DNAH3: variants seen among roughly 807,000 people sequenced by gnomAD.
The protein encoded by DNAH3 is dynein axonemal heavy chain 3.
DNAH3 carries 332 observed loss-of-function variants against 432.5 expected under a neutral mutation model. The ratio of observed to expected loss-of-function variants is 0.77; its 90% CI spans 0.70 to 0.84. The LOEUF (loss-of-function observed/expected upper bound fraction) is 0.84. Ranked by LOEUF, DNAH3 falls within the 40% of genes least tolerant of loss-of-function variation. The pLI is 0.00. For synonymous variants in DNAH3, 1,956 were observed against 1,900.2 expected, an observed-to-expected ratio of 1.03 and a Z score of -0.76; for missense variants, 4,861 against 5,114.0, an observed-to-expected ratio of 0.95 and a Z score of 1.51.
chr16:21,068,325 T>TGGGGGGGGGGGGGGGG (rs10547729), intron 23 of DNAH3, among the ~76,000 whole-genome samples: 2 of 76,606 alleles, frequency 2.6e-5, no homozygotes, highest in African/African-American at 4.6e-5. Context: ...TTTTTTTGGG[T>TGGGGGGGGGGGGGGGG]GGGGGGGGGG....
intron 39 of DNAH3, among the ~76,000 whole-genome samples, chr16:21,022,733 T>G (rs2088310816): frequency 6.6e-6 from 1 of 151,792 alleles, no homozygotes; most frequent in African/African-American, 2.4e-5. Flanking sequence ...AAAGATTTAT[T>G]TATTTACTTA....
intron 25 of DNAH3, 144 bp from the exon 26 acceptor site, chr16:21,060,500 C>T: frequency 1.7e-6 from 1 of 585,156 alleles, no homozygotes; most frequent in Non-Finnish European, 3.0e-6. Flanking sequence ...TCTCTGTCTC[C>T]CCGTTCTTTT....
At chr16:21,002,573 T>C (rs570721626) in intron 42 of DNAH3, among the ~76,000 whole-genome samples, 4 of 152,202 alleles carry the variant, frequency 2.6e-5, no homozygotes, top group Admixed American at 2.0e-4. Context: ...GCGATTCTCC[T>C]GCCTCAGCCT....
intron 20 of DNAH3, among the ~76,000 whole-genome samples, chr16:21,079,907 T>C (rs2091119789): frequency 1.3e-5 from 2 of 152,226 alleles, no homozygotes; most frequent in Non-Finnish European, 2.9e-5. Context: ...GGGAAGTGCC[T>C]TAAATTAGAC....
rs117140364 is a variant in DNAH3, at chr16:21,099,652, G to A, written c.2367-883C>T. Among the ~76,000 whole-genome samples the A allele has an allele frequency of 5.5e-4, 83 of 152,126 alleles. No individual in the cohort carries two copies. The East Asian group carries it at 0.014, about 27-fold the overall frequency. On this transcript the variant is annotated intron_variant, in intron 16 of 61. Coordinates refer to ENST00000261383, the Ensembl canonical transcript of DNAH3. ...AAGTCACTTAAACTCTCTGTGCCTC[G>A]GGTAGATAAAACAAGGATAGAAAAA... is the stretch of plus-strand genomic sequence containing the variant.
intron 18 of DNAH3, among the ~76,000 whole-genome samples, chr16:21,093,555 G>A (rs1243188298): frequency 6.6e-6 from 1 of 151,966 alleles, no homozygotes; most frequent in Non-Finnish European, 1.5e-5. Flanking sequence ...AGAGTTTTTT[G>A]GTATGTATAG....
intron 1 of DNAH3, among the ~76,000 whole-genome samples, chr16:21,153,663 G>A (rs533937998): frequency 4.6e-5 from 7 of 152,148 alleles, no homozygotes; most frequent in East Asian, 3.9e-4. Flanking sequence ...TCACTCCTGC[G>A]CCAGCGAGAC....
intron 21 of DNAH3, among the ~76,000 whole-genome samples, chr16:21,074,571 G>A (rs1415175039): frequency 6.6e-6 from 1 of 151,940 alleles, no homozygotes; most frequent in Non-Finnish European, 1.5e-5. Flanking sequence ...AAAATTAGCT[G>A]GGCATGGTGG....
chr16:20,986,518 AT>A (rs147219758), intron 47 of DNAH3, among the ~76,000 whole-genome samples: 10 of 151,746 alleles, frequency 6.6e-5, no homozygotes, highest in African/African-American at 2.4e-4. Flanking sequence ...AAAAATAAAT[AT>A]TTTTTTTGTT....
intron 20 of DNAH3, among the ~76,000 whole-genome samples, chr16:21,081,130 G>A (rs1409812474): frequency 6.6e-6 from 1 of 151,994 alleles, no homozygotes; most frequent in Non-Finnish European, 1.5e-5. Context: ...TGTTGGCCAG[G>A]CTGGTCTTGA....
intron 31 of DNAH3, 27 bp from the exon 32 acceptor site, chr16:21,042,230 G>C (rs1181555404): frequency 2.6e-6 from 4 of 1,560,790 alleles, no homozygotes; most frequent in African/African-American, 1.4e-5. Context: ...CGGCTGATAA[G>C]AGCATCTGCT....
chr16:21,075,679 G>A (rs894222301), intron 20 of DNAH3, 118 bp from the exon 21 acceptor site: 55 of 765,728 alleles, frequency 7.2e-5, no homozygotes, highest in Non-Finnish European at 1.1e-4. Flanking sequence ...TTGGGAGGCC[G>A]AGGAGGGAAG....
chr16:20,988,193 T>G (rs2086305997), intron 44 of DNAH3, 128 bp from the exon 45 acceptor site: 1 of 1,147,910 alleles, frequency 8.7e-7, no homozygotes, highest in Non-Finnish European at 1.2e-6. Context: ...CTGTGCAATA[T>G]GGCAACCTCT....
At chr16:21,026,504 C>G (rs1270538107) in intron 38 of DNAH3, among the ~76,000 whole-genome samples, 1 of 151,818 alleles carries the variant, frequency 6.6e-6, no homozygotes, top group Non-Finnish European at 1.5e-5. Flanking sequence ...AGTTTGAGAT[C>G]AGCCTGGCCA....
chr16:21,083,077 C>A (rs1045122668), intron 19 of DNAH3, among the ~76,000 whole-genome samples: 23 of 150,042 alleles, frequency 1.5e-4, no homozygotes, highest in Admixed American at 1.5e-3. Context: ...AGTGCCATGG[C>A]GCAATCTCGG....
rs553427196 is a variant in DNAH3 at position 21,087,973 on chromosome 16, C to T, written c.2666-913G>A. Among the ~76,000 whole-genome samples the T allele has an allele frequency of 3.9e-5, 6 of 152,246 alleles. No individual in the cohort carries two copies. In the South Asian group the frequency reaches 1.2e-3, roughly 32 times the overall value. ...ACTCCAAAACACTAATTTCCTTCCC[C>T]TTCCTTTATTTTGCTAAGAACCTTT... On this transcript the variant is annotated intron_variant, in intron 18 of 61. Coordinates refer to ENST00000261383, the Ensembl canonical transcript of DNAH3.
intron 6 of DNAH3, 74 bp downstream of exon 7, chr16:21,136,250 C>CAAAAAT (rs1450245409): frequency 4.9e-6 from 7 of 1,438,834 alleles, no homozygotes; most frequent in East Asian, 2.3e-5. Context: ...CTTGTCTCTA[C>CAAAAAT]AAAAATAAAA....
chr16:20,984,029 G>GAAAAAAAAAAAAAAAAAAAAAAAAAA (rs61475224), intron 48 of DNAH3, among the ~76,000 whole-genome samples: 1 of 112,156 alleles, frequency 8.9e-6, no homozygotes, highest in African/African-American at 3.5e-5. Context: ...CCTATATCCA[G>GAAAAAAAAAAAAAAAAAAAAAAAAAA]AAAAAAAAAA....
chr16:20,982,279 G>T (rs2085946285), intron 49 of DNAH3, among the ~76,000 whole-genome samples: 1 of 151,982 alleles, frequency 6.6e-6, no homozygotes, highest in Non-Finnish European at 1.5e-5. Context: ...AGCTGCTTGG[G>T]GGAGGCTGAG....
Sources: allele counts gnomAD v4.1 joint callset (sites outside exome capture counted in the v4.1 genomes callset), GRCh38; gene constraint gnomAD v4.1.1; transcripts MANE v1.5; gene names NCBI Gene and HGNC (gene_info 2026-07-23, HGNC 2026-07-21).